Variants in FAM120A observed in about 807,000 individuals in gnomAD.
FAM120A encodes the protein family with sequence similarity 120 member A.
Under a neutral mutation model 109.7 loss-of-function variants are expected in FAM120A, and 15 were observed. The observed-to-expected ratio is 0.14, with a 90% confidence interval of 0.09 to 0.21. The LOEUF (loss-of-function observed/expected upper bound fraction) is 0.21, where lower values mean the gene tolerates loss of function less well. Among genes scored for constraint, FAM120A ranks in the 10% least tolerant of loss-of-function variants. The pLI, the probability that FAM120A is intolerant of heterozygous loss-of-function variation, is 1.00. For missense variants in FAM120A, 899 were observed against 1,439.3 expected (o/e 0.62, Z 6.07); for synonymous variants, 493 against 572.8 (o/e 0.86, Z 1.99).
intron 3 of FAM120A, among the ~76,000 whole-genome samples, chr9:93,495,302 G>A (rs532814962): frequency 1.3e-5 from 2 of 152,324 alleles, no homozygotes; most frequent in South Asian, 4.1e-4. Context: ...GCTAAGATAT[G>A]TTAGCTAATA....
At position 93,451,850 on chromosome 9, in the gene FAM120A, A is replaced by G; in HGVS notation, c.-66A>G. 3 of 824,150 alleles carry G rather than the reference A, an allele frequency of 3.6e-6. No individual in the cohort carries two copies. Among genetic ancestry groups the G allele is most frequent in the Non-Finnish European group, 4.2e-6 (3 of 721,256 alleles). The allele number at this position is 824,150 out of a possible 1,614,324, so 51.1% of individuals were successfully genotyped here. ...CCGCCCGCCAGCCCGCCCGCGCGCC[A>G]CGGCCCCACCACCCCCGGCCCCGCC... On this transcript the variant is annotated 5_prime_UTR_variant, in exon 1 of 18. Transcript: ENST00000277165.
chr9:93,525,128 C>T lies in FAM120A; in HGVS notation c.1419-2027C>T, dbSNP rs1861017709. ...AACTGTTTCTTGTCAAGATGCTTTT[C>T]AGGCAGAATTTTAGATTTTACAGTA... On this transcript the variant is annotated intron_variant, in intron 7 of 17. Transcript: ENST00000277165. Among the ~76,000 whole-genome samples the T allele has an allele frequency of 5.3e-5, 8 of 151,834 alleles. No homozygotes were observed. The South Asian group carries it at 1.7e-3, about 32-fold the overall frequency.
intron 5 of FAM120A, among the ~76,000 whole-genome samples, chr9:93,507,106 C>T (rs1237808463): frequency 6.6e-6 from 1 of 152,014 alleles, no homozygotes; most frequent in Non-Finnish European, 1.5e-5. Context: ...CCTCAGTGTG[C>T]AGAGGGGATC....
rs138851721 is a variant in FAM120A, at chr9:93,507,520, G to T, written c.1031-8147G>T. Among the ~76,000 whole-genome samples the T allele has an allele frequency of 1.1e-4, 16 of 152,326 alleles. No homozygotes were observed. In the East Asian group the frequency reaches 3.1e-3, roughly 29 times the overall value. ...GTGAGGAGCTAAGCTGGAGTCATGGGTTGCAGCTTTGCTGGTGTGTAATGC... is the reference window on the plus strand; with the variant it reads ...GTGAGGAGCTAAGCTGGAGTCATGGTTTGCAGCTTTGCTGGTGTGTAATGC... On this transcript the variant is annotated intron_variant, in intron 5 of 17. Coordinates refer to ENST00000277165, the MANE Select transcript of FAM120A (RefSeq NM_014612.5).
chr9:93,479,918 G>A lies in FAM120A; in HGVS notation c.804+3580G>A, dbSNP rs1002285161. ...TAGCACGTCTGCTTTGGGGCTCTGC[G>A]GGCTCAGAAGCACAAGGGAGAACAA... On this transcript the variant is annotated intron_variant, in intron 3 of 17. Coordinates refer to ENST00000277165, the MANE Select transcript of FAM120A (RefSeq NM_014612.5). Among the ~76,000 whole-genome samples the A allele has an allele frequency of 2.0e-5, 3 of 152,160 alleles. No homozygotes were observed. In the South Asian group the frequency reaches 6.2e-4, roughly 31 times the overall value.
chr9:93,533,897 A>G (rs1467163911), intron 10 of FAM120A, among the ~76,000 whole-genome samples: 2 of 152,238 alleles, frequency 1.3e-5, no homozygotes, highest in African/African-American at 2.4e-5. Flanking sequence ...TTACCTTTAC[A>G]TAGCAAACTC....
intron 3 of FAM120A, among the ~76,000 whole-genome samples, chr9:93,494,883 C>T (rs1477473657): frequency 6.6e-6 from 1 of 152,168 alleles, no homozygotes; most frequent in African/African-American, 2.4e-5. Context: ...GGGTGCTAGC[C>T]ACATCTTGGA....
intron 3 of FAM120A, among the ~76,000 whole-genome samples, chr9:93,481,367 A>T (rs539363560): frequency 1.3e-5 from 2 of 152,212 alleles, no homozygotes; most frequent in Admixed American, 6.5e-5. Flanking sequence ...TTATTTTTTT[A>T]AAAAAACATG....
At chr9:93,519,528 C>T (rs1046488964) in intron 7 of FAM120A, among the ~76,000 whole-genome samples, 3 of 152,086 alleles carry the variant, frequency 2.0e-5, no homozygotes, top group African/African-American at 4.8e-5. Context: ...CAGGCGTGAC[C>T]CACCGTGCCT....
chr9:93,476,351 C>T lies in FAM120A; in HGVS notation c.804+13C>T. On this transcript the variant is annotated intron_variant, in intron 3 of 17. Transcript: ENST00000277165. ...AGCCTCACTAAAGGTACAAATTTCA[C>T]TTTATTTTTCTAGCATTTGTAATAA... is the stretch of plus-strand genomic sequence containing the variant. The T allele has an allele frequency of 1.3e-6, 2 of 1,527,204 alleles. No individual in the cohort carries two copies. Among genetic ancestry groups the T allele is most frequent in the Non-Finnish European group, 1.8e-6 (2 of 1,102,954 alleles). 94.6% of individuals were successfully genotyped at this position (1,527,204 alleles called of 1,614,324 possible). A position where few individuals can be genotyped will look rare whatever the true frequency, so the allele number is the denominator to read the frequency against.
chr9:93,531,125 A>G (rs1347303557), intron 9 of FAM120A: 1 of 152,234 alleles, frequency 6.6e-6, no homozygotes, highest in East Asian at 1.9e-4. Flanking sequence ...AGTGAGATGC[A>G]TCTTTATGGT....
chr9:93,488,530 C>T (rs999391685), intron 3 of FAM120A, among the ~76,000 whole-genome samples: 1 of 152,090 alleles, frequency 6.6e-6, no homozygotes, highest in Non-Finnish European at 1.5e-5. Flanking sequence ...GTCTCAGCTA[C>T]CATGAAATAT....
In FAM120A at chr9:93,565,254, C is replaced by T. The variant is rs866875375; in HGVS notation, c.*714C>T. On this transcript the variant is annotated 3_prime_UTR_variant, in exon 18 of 18. Coordinates refer to ENST00000277165, the MANE Select transcript of FAM120A (RefSeq NM_014612.5). The stretch of plus-strand genomic sequence containing the variant: ...TCAACACAATGTGTTCTGAAACTTT[C>T]GTGACTAATACCATGCATCTGTGAT... 6.6e-6 allele frequency: 1 copy of T among 152,630 alleles called. No individual in the cohort carries two copies. The allele number at this position is 152,630 out of a possible 1,614,324, so 9.5% of individuals were successfully genotyped here. A position where few individuals can be genotyped will look rare whatever the true frequency, so the allele number is the denominator to read the frequency against.
intron 1 of FAM120A, among the ~76,000 whole-genome samples, chr9:93,455,723 C>T (rs374030509): frequency 7.6e-4 from 115 of 151,644 alleles, no homozygotes; most frequent in Admixed American, 1.9e-3. Context: ...AGTGCAGTGG[C>T]GCGATCTCGG....
chr9:93,512,373 A>G (rs987930936), intron 5 of FAM120A, among the ~76,000 whole-genome samples: 4 of 152,220 alleles, frequency 2.6e-5, no homozygotes, highest in African/African-American at 7.2e-5. Context: ...GAGCTGTAAC[A>G]AGTCAAGATC....
At position 93,498,428 on chromosome 9, in the gene FAM120A, A is replaced by G. The variant is rs943826298; in HGVS notation, c.934-362A>G. Among the ~76,000 whole-genome samples the G allele has an allele frequency of 2.6e-5, 4 of 152,104 alleles. No individual in the cohort carries two copies. Among genetic ancestry groups the G allele is most frequent in the African/African-American group, 9.7e-5 (4 of 41,426 alleles). Reference sequence around the variant, plus strand: ...GAGAGAGCTGAAACCCTGGGCAGGAACATCCCCAGTCTGTCACTGCCATCC... The same window carrying G: ...GAGAGAGCTGAAACCCTGGGCAGGAGCATCCCCAGTCTGTCACTGCCATCC... On this transcript the variant is annotated intron_variant, in intron 4 of 17. Coordinates refer to ENST00000277165, the MANE Select transcript of FAM120A (RefSeq NM_014612.5). The surrounding 1 kb of genome is among the most constrained non-coding windows in gnomAD (Gnocchi z 4.4).
intron 3 of FAM120A, among the ~76,000 whole-genome samples, chr9:93,493,833 C>T (rs982139786): frequency 2.6e-5 from 4 of 151,806 alleles, no homozygotes; most frequent in African/African-American, 9.7e-5. Context: ...GCTTCGCAGT[C>T]AGCCAGCTTC....
intron 3 of FAM120A, among the ~76,000 whole-genome samples, chr9:93,485,254 C>T (rs1197887054): frequency 6.6e-6 from 1 of 152,042 alleles, no homozygotes; most frequent in Non-Finnish European, 1.5e-5. Context: ...AAATCTGGCA[C>T]CAGATTTGGT....
chr9:93,516,855 C>G (rs186069869), intron 7 of FAM120A, among the ~76,000 whole-genome samples: 2 of 152,092 alleles, frequency 1.3e-5, no homozygotes, highest in Non-Finnish European at 2.9e-5. Flanking sequence ...AAAATTTGAT[C>G]GAGGAAATCT....
Sources: allele counts gnomAD v4.1 joint callset (sites outside exome capture counted in the v4.1 genomes callset), GRCh38; gene constraint gnomAD v4.1.1; non-coding constraint Gnocchi (gnomAD v3.1); transcripts MANE v1.5; gene names NCBI Gene and HGNC (gene_info 2026-07-23, HGNC 2026-07-21).